Variants in INO80 observed in about 807,000 individuals in gnomAD.
INO80 encodes INO80 complex ATPase subunit.
A neutral mutation model predicts 203.4 loss-of-function variants in INO80; 20 were observed. That is an observed-to-expected ratio of 0.10 (90% CI 0.07 to 0.14). The LOEUF (loss-of-function observed/expected upper bound fraction) is 0.14, where lower values mean the gene tolerates loss of function less well. Ranked by LOEUF, INO80 falls within the 10% of genes least tolerant of loss-of-function variation. The pLI is 1.00. For missense variants in INO80, 1,419 were observed against 1,914.4 expected, an observed-to-expected ratio of 0.74 and a Z score of 4.83; for synonymous variants, 726 against 685.2, an observed-to-expected ratio of 1.06 and a Z score of -0.93.
chr15:40,990,517 C>T (rs2043802862), intron 29 of INO80, among the ~76,000 whole-genome samples: 1 of 152,144 alleles, frequency 6.6e-6, no homozygotes. Flanking sequence ...TGAGCCACTG[C>T]ACCTGGCCAA....
chr15:41,035,592 C>CAGATGG (rs2044558385), intron 24 of INO80, among the ~76,000 whole-genome samples: 1 of 151,300 alleles, frequency 6.6e-6, no homozygotes, highest in Admixed American at 6.6e-5. Flanking sequence ...GAGGCCGAGG[C>CAGATGG]AGATGGATCA....
At chr15:41,104,655 A>G (rs1485015416) in intron 1 of INO80, among the ~76,000 whole-genome samples, 1 of 151,978 alleles carries the variant, frequency 6.6e-6, no homozygotes, top group Non-Finnish European at 1.5e-5. Context: ...CTCCTGCCTC[A>G]GTCTTCCGAG....
chr15:41,112,006 C>T (rs75171264), intron 1 of INO80, among the ~76,000 whole-genome samples: 4,395 of 152,124 alleles, frequency 0.029, 203 homozygotes, highest in African/African-American at 0.1. Flanking sequence ...CCAGGCTCAA[C>T]CAAACCTCCC....
Position 41,096,331 on chromosome 15 carries a change from C to G in INO80, c.-21G>C. Reference sequence around the variant, plus strand: ...GCCATAGAACAAATCTGTCTTCATGCACAAGGACCTCCGACTGCACGGCTG... The same window carrying G: ...GCCATAGAACAAATCTGTCTTCATGGACAAGGACCTCCGACTGCACGGCTG... On this transcript the variant is annotated 5_prime_UTR_variant, in exon 2 of 36. Transcript: ENST00000648947. The G allele has an allele frequency of 6.4e-7, 1 of 1,559,166 alleles. No individual in the cohort carries two copies. Among genetic ancestry groups the G allele is most frequent in the Non-Finnish European group, 8.6e-7 (1 of 1,160,144 alleles).
At chr15:41,106,288 G>A (rs1014941305) in intron 1 of INO80, among the ~76,000 whole-genome samples, 1 of 151,320 alleles carries the variant, frequency 6.6e-6, no homozygotes, top group East Asian at 1.9e-4. Context: ...GGAGGCTGGG[G>A]TGTGAGGATG....
chr15:41,085,495 T>C lies in INO80; in HGVS notation c.747A>G (p.Lys249=). 6.2e-7 allele frequency: 1 copy of C among 1,614,186 alleles called. No individual in the cohort carries two copies. The change falls in exon 7 of 36, where the codon AAA becomes AAG. Residue 249 remains lysine, a synonymous_variant. Coordinates refer to ENST00000648947, the MANE Select transcript of INO80 (RefSeq NM_017553.3). The stretch of plus-strand genomic sequence containing the variant: ...CATCGTGAGAAAACTTGGCAAAGAC[T>C]TTGGTCTGGTGGTGATGGCGACGAG... The part of the protein sequence containing the change: ...ESPRRHHHQT[K]VFAKFSHDAP...
At chr15:40,996,043 G>C (rs1040781512) in intron 29 of INO80, among the ~76,000 whole-genome samples, 1 of 151,704 alleles carries the variant, frequency 6.6e-6, no homozygotes. Flanking sequence ...TAGTGAGAGA[G>C]AGAGAGAGAG....
At chr15:41,099,266 A>C (rs1402862401) in intron 1 of INO80, among the ~76,000 whole-genome samples, 6 of 122,026 alleles carry the variant, frequency 4.9e-5, no homozygotes, top group African/African-American at 1.6e-4. Flanking sequence ...AAAAAAAAAA[A>C]ACAAACACAC....
intron 19 of INO80, among the ~76,000 whole-genome samples, chr15:41,052,935 A>C (rs978514552): frequency 2.0e-4 from 31 of 151,462 alleles, no homozygotes; most frequent in African/African-American, 7.6e-4. Context: ...TGGGAGGCTG[A>C]CAGGGGAGGA....
Position 41,085,409 on chromosome 15 carries a change from C to T in INO80, c.833G>A (p.Arg278Lys), listed in dbSNP as rs186749333. The T allele has an allele frequency of 2.4e-5, 39 of 1,614,140 alleles. 1 individual carries two copies. In the East Asian group the frequency reaches 8.2e-4, roughly 34 times the overall value. The change falls in exon 7 of 36, where the codon AGG becomes AAG. Residue 278 changes from arginine (R) to lysine (K), a missense_variant. Physicochemically the swap from Arg to Lys is conservative, Grantham distance 26. Coordinates refer to ENST00000648947, the MANE Select transcript of INO80 (RefSeq NM_017553.3). The stretch of plus-strand genomic sequence containing the variant: ...TTTCACAATGCTGAGCCATACTTTC[C>T]TGCGACGAGCATTCAGCTGCTCAAT... ...LSIEQLNARR[R>K]KVWLSIVKKE...
chr15:41,085,402 T>C lies in INO80; in HGVS notation c.840A>G (p.Val280=), dbSNP rs779102098. 1.9e-5 allele frequency: 31 copies of C among 1,614,094 alleles called. No individual in the cohort carries two copies. In the South Asian group the frequency reaches 2.9e-4, roughly 15 times the overall value. The change falls in exon 7 of 36, where the codon GTA becomes GTG. Residue 280 remains valine (V), a synonymous_variant. Coordinates refer to ENST00000648947, the MANE Select transcript of INO80 (RefSeq NM_017553.3). ...IEQLNARRRK[V]WLSIVKKELP... ...GTTCCTTTTTCACAATGCTGAGCCA[T>C]ACTTTCCTGCGACGAGCATTCAGCT...
At chr15:41,108,461 G>A (rs1331689036) in intron 1 of INO80, among the ~76,000 whole-genome samples, 1 of 151,804 alleles carries the variant, frequency 6.6e-6, no homozygotes, top group Non-Finnish European at 1.5e-5. Flanking sequence ...GCGTGGTGGT[G>A]GGCGCTTGTA....
intron 1 of INO80, among the ~76,000 whole-genome samples, chr15:41,099,555 A>C (rs1288476851): frequency 6.6e-6 from 1 of 151,936 alleles, no homozygotes; most frequent in African/African-American, 2.4e-5. Flanking sequence ...GTGAGGCAGG[A>C]GGAGAGCTTG....
intron 24 of INO80, among the ~76,000 whole-genome samples, chr15:41,044,310 A>G (rs983536472): frequency 1.3e-5 from 2 of 152,220 alleles, no homozygotes; most frequent in African/African-American, 4.8e-5. Flanking sequence ...AATATCTACC[A>G]CAGTAGAACA....
rs902253682 is a variant in INO80 at position 41,015,054 on chromosome 15, T to G, written c.3402+1034A>C. ...TTATATAAAGACTTATTGTACTAGT[T>G]TGTGATTATCTGTTCTCATTTTCAC... On this transcript the variant is annotated intron_variant, in intron 27 of 35. Coordinates refer to ENST00000648947, the MANE Select transcript of INO80 (RefSeq NM_017553.3). Among the ~76,000 whole-genome samples the G allele has an allele frequency of 2.0e-4, 30 of 152,320 alleles. 2 individuals are homozygous for G. In the South Asian group the frequency reaches 5.0e-3, roughly 25 times the overall value.
chr15:41,047,562 G>C, intron 22 of INO80, 61 bp from the exon 23 acceptor site: 1 of 1,176,652 alleles, frequency 8.5e-7, no homozygotes, highest in Non-Finnish European at 1.2e-6. Context: ...CTCAGTTAAA[G>C]CCTGCTCAAC....
At chr15:41,087,221 G>A (rs1210293275) in intron 6 of INO80, among the ~76,000 whole-genome samples, 1 of 151,956 alleles carries the variant, frequency 6.6e-6, no homozygotes, top group Admixed American at 6.6e-5. Context: ...AGGATAACAA[G>A]TATTTACATA....
At chr15:41,049,171 T>G in intron 21 of INO80, 116 bp downstream of exon 21, 1 of 811,254 alleles carries the variant, frequency 1.2e-6, no homozygotes, top group Non-Finnish European at 1.9e-6. Flanking sequence ...TGTCCACCCT[T>G]TGCTTAAATG....
intron 27 of INO80, among the ~76,000 whole-genome samples, chr15:41,008,117 G>A (rs1042715023): frequency 6.6e-6 from 1 of 152,144 alleles, no homozygotes; most frequent in African/African-American, 2.4e-5. Flanking sequence ...TGAGGCTGCA[G>A]TGAGCCAAGA....
Sources: gnomAD v4.1 joint callset for allele counts (sites outside exome capture counted in the v4.1 genomes callset) on GRCh38, gnomAD v4.1.1 for gene constraint, MANE v1.5 for transcripts, NCBI Gene and HGNC (gene_info 2026-07-23, HGNC 2026-07-21) for gene names.